Variants in RASAL2 observed in about 807,000 individuals in gnomAD.
RASAL2 encodes the protein RAS protein activator like 2.
Under a neutral mutation model 128.9 loss-of-function variants are expected in RASAL2, and 58 were observed. The observed-to-expected ratio is 0.45, with a 90% CI of 0.36 to 0.56. RASAL2 has a LOEUF of 0.56. Among genes scored for constraint, RASAL2 ranks in the 20% least tolerant of loss-of-function variants. The pLI is 0.00. For missense variants in RASAL2, 1,360 were observed against 1,601.6 expected (o/e 0.85, Z 2.57); for synonymous variants, 561 against 580.8 (o/e 0.97, Z 0.49).
chr1:178,094,338 CG>C lies in RASAL2; in HGVS notation c.-151del, dbSNP rs972528709. 1 of 664,278 alleles carries C rather than the reference CG, an allele frequency of 1.5e-6. No individual in the cohort carries two copies. The highest frequency in any genetic ancestry group is 1.9e-5 in the African/African-American group (1 of 51,366). 41.1% of individuals were successfully genotyped at this position (664,278 alleles called of 1,614,324 possible). A position where few individuals can be genotyped will look rare whatever the true frequency, so the allele number is the denominator to read the frequency against. ...CGCCCGAGCCTCGGGCAGTGGGCGACGGGGAAGGAGGTGAGAGGTGTCCGCG... is the reference window on the plus strand; with the variant it reads ...CGCCCGAGCCTCGGGCAGTGGGCGACGGGAAGGAGGTGAGAGGTGTCCGCG... On this transcript the variant is annotated 5_prime_UTR_variant, in exon 1 of 18. Transcript: ENST00000367649.
At chr1:178,247,934 C>T (rs561605539) in intron 1 of RASAL2, among the ~76,000 whole-genome samples, 1 of 152,098 alleles carries the variant, frequency 6.6e-6, no homozygotes, top group Non-Finnish European at 1.5e-5. Flanking sequence ...GTCTGAGAGG[C>T]TGTTTGTTAT....
intron 1 of RASAL2, among the ~76,000 whole-genome samples, chr1:178,269,638 C>T (rs1436889161): frequency 6.6e-6 from 1 of 152,140 alleles, no homozygotes; most frequent in African/African-American, 2.4e-5. Flanking sequence ...TTCTACACTC[C>T]CACCAGCGCC....
At chr1:178,167,859 A>T (rs1363072156) in intron 1 of RASAL2, among the ~76,000 whole-genome samples, 1 of 152,040 alleles carries the variant, frequency 6.6e-6, no homozygotes, top group East Asian at 1.9e-4. Flanking sequence ...GTGCGATTAA[A>T]ACCTGTGTTG....
intron 1 of RASAL2, among the ~76,000 whole-genome samples, chr1:178,114,527 T>A (rs921812677): frequency 6.6e-6 from 1 of 152,012 alleles, no homozygotes; most frequent in South Asian, 2.1e-4. Flanking sequence ...TTGAGGTTTT[T>A]TTTTTTTTCT....
chr1:178,409,966 A>G (rs1046596333), intron 4 of RASAL2, among the ~76,000 whole-genome samples: 3 of 152,236 alleles, frequency 2.0e-5, no homozygotes, highest in African/African-American at 7.2e-5. Context: ...GAGCTTCGTC[A>G]TGGCACCAGG....
intron 1 of RASAL2, among the ~76,000 whole-genome samples, chr1:178,151,581 T>C (rs1386592400): frequency 6.6e-6 from 1 of 152,176 alleles, no homozygotes; most frequent in Admixed American, 6.6e-5. Flanking sequence ...AGTGACATGG[T>C]AGAACATAAC....
intron 1 of RASAL2, among the ~76,000 whole-genome samples, chr1:178,278,687 C>G (rs951750190): frequency 2.6e-5 from 4 of 152,126 alleles, no homozygotes; most frequent in Non-Finnish European, 5.9e-5. Context: ...TCCTTTCTCC[C>G]TTATCCCTAT....
At chr1:178,435,594 G>A (rs940225551) in intron 5 of RASAL2, among the ~76,000 whole-genome samples, 1 of 152,084 alleles carries the variant, frequency 6.6e-6, no homozygotes, top group Non-Finnish European at 1.5e-5. Flanking sequence ...CATCAGCAAA[G>A]CAATTAGATT....
intron 1 of RASAL2, among the ~76,000 whole-genome samples, chr1:178,129,631 T>G (rs1660027817): frequency 6.6e-6 from 1 of 152,146 alleles, no homozygotes; most frequent in Non-Finnish European, 1.5e-5. Context: ...AATTGATGGT[T>G]TTAGTATCAT....
At chr1:178,318,430 A>G (rs377568571) in intron 3 of RASAL2, among the ~76,000 whole-genome samples, 2 of 151,996 alleles carry the variant, frequency 1.3e-5, no homozygotes, top group South Asian at 2.1e-4. Context: ...GGGAGTCTAA[A>G]TCTCTTTGTA....
At chr1:178,371,353 A>ACACACACACACAAAC (rs59882717) in intron 3 of RASAL2, among the ~76,000 whole-genome samples, 1 of 109,640 alleles carries the variant, frequency 9.1e-6, no homozygotes, top group Non-Finnish European at 1.8e-5. Context: ...CACACACACA[A>ACACACACACACAAAC]ATACACACAC....
Position 178,420,536 on chromosome 1 carries a change from G to T in RASAL2, c.590G>T (p.Gly197Val), listed in dbSNP as rs767193522. ...GGATTCTTCAGCAAGCGCCTGAAAGGCTCCATCAAGAGGACCAAAAGCCAG... is the reference window on the plus strand; with the variant it reads ...GGATTCTTCAGCAAGCGCCTGAAAGTCTCCATCAAGAGGACCAAAAGCCAG... ...VPGFFSKRLK[G>V]SIKRTKSQSK... Residue 197 changes from glycine (G) to valine (V), a missense_variant, in exon 5 of 18, where the codon GGC (glycine) becomes GTC (valine). Gly to Val is a moderately radical substitution (Grantham distance 109). Coordinates refer to ENST00000367649, the MANE Select transcript of RASAL2 (RefSeq NM_170692.4). 9.3e-6 allele frequency: 15 copies of T among 1,612,470 alleles called. No individual in the cohort carries two copies. The highest frequency in any genetic ancestry group is 1.3e-5 in the Non-Finnish European group (15 of 1,179,114).
In RASAL2 at chr1:178,340,995, G is replaced by A. The variant is rs571622263; in HGVS notation, c.457+40877G>A. 8.5e-5 allele frequency among the ~76,000 whole-genome samples: 13 copies of A among 152,232 alleles called. No individual in the cohort carries two copies. The South Asian group carries it at 1.7e-3, about 19-fold the overall frequency. ...CCTTTTCTAAATTTTAGATATTTCCGTTATGGTAAGTTAAACTGATCGGTT... is the reference window on the plus strand; with the variant it reads ...CCTTTTCTAAATTTTAGATATTTCCATTATGGTAAGTTAAACTGATCGGTT... On this transcript the variant is annotated intron_variant, in intron 3 of 17. Coordinates refer to ENST00000367649, the MANE Select transcript of RASAL2 (RefSeq NM_170692.4).
intron 3 of RASAL2, chr1:178,341,521 C>T (rs1669877861): frequency 2.5e-6 from 4 of 1,610,414 alleles, no homozygotes; most frequent in African/African-American, 1.3e-5. Context: ...CAGGCGAGTA[C>T]AGTATACAAA....
Position 178,420,530 on chromosome 1 carries a change from T to C in RASAL2, c.584T>C (p.Leu195Pro), listed in dbSNP as rs771228946. 2 of 1,611,440 alleles carry C rather than the reference T, an allele frequency of 1.2e-6. No individual in the cohort carries two copies. Among genetic ancestry groups the C allele is most frequent in the South Asian group, 1.1e-5 (1 of 90,648 alleles). Residue 195 changes from leucine to proline, a missense_variant, in exon 5 of 18, where the codon CTG becomes CCG. Leu to Pro is a moderately conservative substitution (Grantham distance 98, BLOSUM62 -3). Transcript: ENST00000367649. ...FKVPGFFSKR[L>P]KGSIKRTKSQ... ...TTCTAGGGATTCTTCAGCAAGCGCC[T>C]GAAAGGCTCCATCAAGAGGACCAAA... is the stretch of plus-strand genomic sequence containing the variant.
At chr1:178,315,731 T>G (rs1297635478) in intron 3 of RASAL2, among the ~76,000 whole-genome samples, 2 of 146,264 alleles carry the variant, frequency 1.4e-5, no homozygotes, top group East Asian at 1.9e-4. Context: ...TTTCTCCCAT[T>G]TTGTAGGTTG....
intron 1 of RASAL2, among the ~76,000 whole-genome samples, chr1:178,213,403 A>G (rs1424748015): frequency 6.6e-6 from 1 of 152,220 alleles, no homozygotes; most frequent in East Asian, 1.9e-4. Context: ...GTCTAGGAAC[A>G]TAACTATGAG....
At chr1:178,204,854 C>T (rs996178813) in intron 1 of RASAL2, among the ~76,000 whole-genome samples, 4 of 152,144 alleles carry the variant, frequency 2.6e-5, no homozygotes, top group African/African-American at 9.7e-5. Flanking sequence ...AAATGAAATA[C>T]AATGGTATTT....
chr1:178,111,716 A>G (rs1325355669), intron 1 of RASAL2, among the ~76,000 whole-genome samples: 2 of 152,000 alleles, frequency 1.3e-5, no homozygotes, highest in African/African-American at 2.4e-5. Flanking sequence ...TAAAATGTTC[A>G]ATCTTTTGTC....
Sources: allele counts gnomAD v4.1 joint callset (sites outside exome capture counted in the v4.1 genomes callset), GRCh38; gene constraint gnomAD v4.1.1; transcripts MANE v1.5; gene names NCBI Gene and HGNC (gene_info 2026-07-23, HGNC 2026-07-21).